KCNIP4: variants seen among roughly 807,000 people sequenced by gnomAD.
KCNIP4 encodes Kv channel-interacting protein 4.
In KCNIP4, 12 loss-of-function variants were observed where a neutral mutation model predicts 34.0. The ratio of observed to expected loss-of-function variants is 0.35; its 90% CI spans 0.23 to 0.57. KCNIP4 has a LOEUF of 0.57. Ranked by LOEUF, KCNIP4 falls within the 20% of genes least tolerant of loss-of-function variation. KCNIP4 has a pLI of 0.83. For synonymous variants in KCNIP4, 124 were observed against 102.2 expected, an observed-to-expected ratio of 1.21 and a Z score of -1.29; for missense variants, 238 against 311.7, an observed-to-expected ratio of 0.76 and a Z score of 1.78.
chr4:21,300,413 G>T (rs1711545688), intron 1 of KCNIP4, among the ~76,000 whole-genome samples: 1 of 152,084 alleles, frequency 6.6e-6, no homozygotes, highest in Admixed American at 6.6e-5. Flanking sequence ...CACAGGTATT[G>T]TGTTTTATCC....
At chr4:21,143,564 GACACTTGATCT>G (rs1020526540) in intron 1 of KCNIP4, among the ~76,000 whole-genome samples, 3 of 126,224 alleles carry the variant, frequency 2.4e-5, no homozygotes, top group Non-Finnish European at 5.3e-5. Flanking sequence ...AGATAAGCTA[GACACTTGATCT>G]ACACTTGATC....
chr4:21,358,159 G>A (rs1032651672), intron 1 of KCNIP4, among the ~76,000 whole-genome samples: 1 of 152,022 alleles, frequency 6.6e-6, no homozygotes, highest in African/African-American at 2.4e-5. Context: ...TCACACAGCG[G>A]GGCCTGTCAG....
At chr4:21,671,611 C>T (rs2109008893) in intron 1 of KCNIP4, among the ~76,000 whole-genome samples, 1 of 152,282 alleles carries the variant, frequency 6.6e-6, no homozygotes, top group East Asian at 1.9e-4. Context: ...CTATATACTT[C>T]ATCATTTTCC....
Position 21,621,835 on chromosome 4 carries a change from A to G in KCNIP4, c.61+326736T>C, listed in dbSNP as rs561480174. ...ATTCACCTATTGTTAATACTCAGGA[A>G]CATTCTGAGGTTGGAGCCAGTGCCT... On this transcript the variant is annotated intron_variant, in intron 1 of 8. Coordinates refer to ENST00000382152, the MANE Select transcript of KCNIP4 (RefSeq NM_025221.6). 2.0e-5 allele frequency among the ~76,000 whole-genome samples: 3 copies of G among 152,312 alleles called. No homozygotes were observed. The South Asian group carries it at 6.2e-4, about 32-fold the overall frequency.
chr4:21,852,422 T>G (rs1478335862), intron 1 of KCNIP4: 1 of 152,216 alleles, frequency 6.6e-6, no homozygotes, highest in Non-Finnish European at 1.5e-5. Flanking sequence ...CTGAGAATGT[T>G]TACCTCTTCT....
intron 1 of KCNIP4, among the ~76,000 whole-genome samples, chr4:21,443,873 C>T (rs1185548781): frequency 1.3e-5 from 2 of 152,020 alleles, no homozygotes; most frequent in Non-Finnish European, 2.9e-5. Flanking sequence ...GTTGAAGCTG[C>T]AGTGAGTCAT....
At chr4:20,854,824 T>C (rs1215311327) in intron 2 of KCNIP4, among the ~76,000 whole-genome samples, 1 of 152,172 alleles carries the variant, frequency 6.6e-6, no homozygotes, top group Non-Finnish European at 1.5e-5. Context: ...TCTATTTAGG[T>C]CCATTTTGTA....
intron 1 of KCNIP4, among the ~76,000 whole-genome samples, chr4:21,233,853 T>C (rs1758984542): frequency 7.8e-6 from 1 of 128,436 alleles, no homozygotes; most frequent in Non-Finnish European, 1.5e-5. Context: ...TTACACTATA[T>C]AGTCAATATG....
At chr4:20,813,604 TGTG>T (rs1256279932) in intron 3 of KCNIP4, among the ~76,000 whole-genome samples, 2 of 152,298 alleles carry the variant, frequency 1.3e-5, no homozygotes, top group East Asian at 3.9e-4. Context: ...ACTCAACAAA[TGTG>T]GTAATAATTA....
intron 1 of KCNIP4, among the ~76,000 whole-genome samples, chr4:20,933,165 A>G (rs139385555): frequency 2.6e-5 from 4 of 152,064 alleles, no homozygotes; most frequent in Non-Finnish European, 4.4e-5. Flanking sequence ...AATCACCTAA[A>G]CCTGGAAGGC....
At chr4:21,695,926 T>C (rs1173191846) in intron 1 of KCNIP4, among the ~76,000 whole-genome samples, 2 of 151,806 alleles carry the variant, frequency 1.3e-5, no homozygotes, top group Non-Finnish European at 2.9e-5. Context: ...TTAAAGCTAA[T>C]ATGCAGGTAA....
chr4:20,816,414 C>T (rs929552042), intron 3 of KCNIP4, among the ~76,000 whole-genome samples: 2 of 152,050 alleles, frequency 1.3e-5, no homozygotes, highest in Non-Finnish European at 2.9e-5. Context: ...AAAGGGAAGT[C>T]GGGACACTTT....
chr4:21,913,945 G>A (rs1642009751), intron 1 of KCNIP4, among the ~76,000 whole-genome samples: 4 of 152,064 alleles, frequency 2.6e-5, no homozygotes, highest in Non-Finnish European at 4.4e-5. Flanking sequence ...AGGGATGTAG[G>A]AAAGTGGATG....
chr4:20,757,226 AAT>A (rs1220802257), intron 4 of KCNIP4, among the ~76,000 whole-genome samples: 1 of 152,070 alleles, frequency 6.6e-6, no homozygotes, highest in East Asian at 1.9e-4. Flanking sequence ...TTGTCATCTA[AAT>A]ATGTCTGTAA....
chr4:21,832,550 A>G (rs935592460), intron 1 of KCNIP4, among the ~76,000 whole-genome samples: 11 of 150,936 alleles, frequency 7.3e-5, no homozygotes, highest in African/African-American at 2.7e-4. Context: ...ACAATTCCAG[A>G]TGAATTAAAT....
At chr4:21,236,264 C>A (rs984972572) in intron 1 of KCNIP4, among the ~76,000 whole-genome samples, 1 of 152,136 alleles carries the variant, frequency 6.6e-6, no homozygotes, top group African/African-American at 2.4e-5. Context: ...CCAAAATAGG[C>A]ATATATAAAT....
chr4:21,265,518 TAAGCCAGGTAAG>T (rs1761744809), intron 1 of KCNIP4, among the ~76,000 whole-genome samples: 1 of 152,202 alleles, frequency 6.6e-6, no homozygotes, highest in African/African-American at 2.4e-5. Context: ...GTTGCCAGAT[TAAGCCAGGTAAG>T]AATGACAGGA....
intron 1 of KCNIP4, among the ~76,000 whole-genome samples, chr4:21,722,117 A>G (rs145550225): frequency 1.8e-4 from 28 of 152,314 alleles, no homozygotes; most frequent in African/African-American, 6.5e-4. Context: ...TGAGCTCATT[A>G]TTCAGTCTTT....
chr4:21,074,413 G>A (rs1279464761), intron 1 of KCNIP4, among the ~76,000 whole-genome samples: 1 of 152,154 alleles, frequency 6.6e-6, no homozygotes, highest in African/African-American at 2.4e-5. Context: ...AGATTTTCTA[G>A]TTTATTTGCA....
Sources: gnomAD v4.1 joint callset for allele counts (sites outside exome capture counted in the v4.1 genomes callset) on GRCh38, gnomAD v4.1.1 for gene constraint, MANE v1.5 for transcripts, NCBI Gene and HGNC (gene_info 2026-07-23, HGNC 2026-07-21) for gene names.